Variants in MYO3B observed in about 807,000 individuals in gnomAD.
The protein encoded by MYO3B is myosin IIIB, also known as myosin-IIIb.
In MYO3B, 156 loss-of-function variants were observed where a neutral mutation model predicts 174.6. The observed-to-expected ratio is 0.89, with a 90% CI of 0.78 to 1.02. The LOEUF is 1.02. Ranked by LOEUF, MYO3B falls within the 50% of genes least tolerant of loss-of-function variation. The pLI is 0.00. For missense variants in MYO3B, 1,632 were observed against 1,639.4 expected, an observed-to-expected ratio of 1.00 and a Z score of 0.08; for synonymous variants, 563 against 569.1, an observed-to-expected ratio of 0.99 and a Z score of 0.15.
At chr2:170,297,430 G>A (rs2093636103) in intron 7 of MYO3B, among the ~76,000 whole-genome samples, 1 of 152,142 alleles carries the variant, frequency 6.6e-6, no homozygotes, top group Non-Finnish European at 1.5e-5. Flanking sequence ...TAAAGCTGCA[G>A]AGTGCAAAAT....
At chr2:170,462,531 A>T (rs1684355994) in intron 23 of MYO3B, among the ~76,000 whole-genome samples, 1 of 152,256 alleles carries the variant, frequency 6.6e-6, no homozygotes, top group African/African-American at 2.4e-5. Context: ...CCCCATGGGA[A>T]GGTGGCTGCC....
Position 170,404,268 on chromosome 2 carries a change from A to G in MYO3B, c.2299A>G (p.Ile767Val). The change falls in exon 20 of 35, where the codon ATT (isoleucine) becomes GTT (valine). Residue 767 changes from isoleucine (I) to valine (V), a missense_variant. Coordinates refer to ENST00000408978, the MANE Select transcript of MYO3B (RefSeq NM_138995.5). ...CCAGATGGAATATCAGAATGAAGGC[A>G]TTGATGCTGTACCCGTGGAATATGA... ...LEQMEYQNEGIDAVPVEYEDN... is the reference protein window; with the variant it reads ...LEQMEYQNEGVDAVPVEYEDN... 1.2e-6 allele frequency: 2 copies of G among 1,609,126 alleles called. No individual in the cohort carries two copies. The highest frequency in any genetic ancestry group is 1.7e-6 in the Non-Finnish European group (2 of 1,178,218).
At chr2:170,228,562 A>G (rs1429977137) in intron 6 of MYO3B, among the ~76,000 whole-genome samples, 1 of 152,168 alleles carries the variant, frequency 6.6e-6, no homozygotes, top group East Asian at 1.9e-4. Flanking sequence ...GTAAGAATAA[A>G]TGATCTGTTC....
intron 22 of MYO3B, among the ~76,000 whole-genome samples, chr2:170,416,381 A>T (rs1470849727): frequency 6.6e-6 from 1 of 152,008 alleles, no homozygotes; most frequent in African/African-American, 2.4e-5. Flanking sequence ...AAAATTAGCC[A>T]GGCGTGGTGG....
At position 170,407,805 on chromosome 2, in the gene MYO3B, C is replaced by G; in HGVS notation, c.2611C>G (p.Leu871Val). The G allele has an allele frequency of 6.2e-7, 1 of 1,614,064 alleles. No homozygotes were observed. The highest frequency in any genetic ancestry group is 1.3e-5 in the African/African-American group (1 of 75,040). The change falls in exon 22 of 35, where the codon CTT (leucine) becomes GTT (valine). Residue 871 changes from leucine (L) to valine (V), a missense_variant. Transcript: ENST00000408978. Reference protein sequence around the residue: ...VVVLRTSENKLLQQLFSIPLT... With the variant: ...VVVLRTSENKVLQQLFSIPLT... ...GGTCCTGAGAACGTCAGAAAACAAG[C>G]TTCTTCAGCAGCTCTTCTCAATCCC...
Position 170,483,541 on chromosome 2 carries a change from C to T in MYO3B, c.3015-15051C>T, listed in dbSNP as rs1050742046. Among the ~76,000 whole-genome samples, 21 of 130,478 alleles carry T rather than the reference C, an allele frequency of 1.6e-4. 2 individuals carry two copies. Among genetic ancestry groups the T allele is most frequent in the Non-Finnish European group, 3.2e-4 (21 of 66,214 alleles). The allele number at this position is 130,478 out of a possible 152,430, so 85.6% of individuals were successfully genotyped here. A position where few individuals can be genotyped will look rare whatever the true frequency, so the allele number is the denominator to read the frequency against. ...AGCTGGGACTACAGGCGCCCGCTACCACGCCCGGCTAATTTTTTGTATTTT... is the reference window on the plus strand; with the variant it reads ...AGCTGGGACTACAGGCGCCCGCTACTACGCCCGGCTAATTTTTTGTATTTT... On this transcript the variant is annotated intron_variant, in intron 25 of 34. Transcript: ENST00000408978.
intron 32 of MYO3B, among the ~76,000 whole-genome samples, chr2:170,568,718 T>C (rs1664800312): frequency 6.6e-6 from 1 of 152,170 alleles, no homozygotes; most frequent in South Asian, 2.1e-4. Context: ...GCTCTTGAAA[T>C]ATAAGGATTA....
intron 32 of MYO3B, among the ~76,000 whole-genome samples, chr2:170,651,074 C>T (rs1184492235): frequency 6.6e-6 from 1 of 152,156 alleles, no homozygotes; most frequent in African/African-American, 2.4e-5. Context: ...ATCATCCTTT[C>T]TCCTTCTCTT....
intron 15 of MYO3B, among the ~76,000 whole-genome samples, chr2:170,391,841 T>G (rs1388480006): frequency 6.6e-6 from 1 of 152,104 alleles, no homozygotes; most frequent in Non-Finnish European, 1.5e-5. Flanking sequence ...TGCATCATTA[T>G]TCTACCACAG....
chr2:170,456,082 T>A (rs1173150430), intron 23 of MYO3B, among the ~76,000 whole-genome samples: 4 of 152,074 alleles, frequency 2.6e-5, no homozygotes, highest in Non-Finnish European at 5.9e-5. Context: ...CACAGAGTGA[T>A]TACCCACCAG....
intron 8 of MYO3B, among the ~76,000 whole-genome samples, chr2:170,338,536 C>G (rs115652710): frequency 0.034 from 5,120 of 152,172 alleles, 107 homozygotes; most frequent in Middle Eastern, 0.068. Context: ...AAATTGGGAA[C>G]TGATTATTAT....
At chr2:170,275,724 T>C (rs1258141700) in intron 7 of MYO3B, among the ~76,000 whole-genome samples, 2 of 152,076 alleles carry the variant, frequency 1.3e-5, no homozygotes, top group Admixed American at 6.6e-5. Context: ...CATTGTACCA[T>C]AAAAACCAGT....
chr2:170,582,480 G>T lies in MYO3B; in HGVS notation c.3733+38492G>T, dbSNP rs58915183. On this transcript the variant is annotated intron_variant, in intron 32 of 34. Coordinates refer to ENST00000408978, the MANE Select transcript of MYO3B (RefSeq NM_138995.5). ...TCCAACCATACATCCCTGGTGAGGG[G>T]TGCTCTAAATGGCTGCCAAGATGGC... Among the ~76,000 whole-genome samples, 168 of 152,242 alleles carry T rather than the reference G, an allele frequency of 1.1e-3. 5 individuals are homozygous for T. The East Asian group carries it at 0.029, about 26-fold the overall frequency.
intron 32 of MYO3B, among the ~76,000 whole-genome samples, chr2:170,636,199 C>T (rs1697456710): frequency 6.6e-6 from 1 of 152,156 alleles, no homozygotes; most frequent in Non-Finnish European, 1.5e-5. Context: ...TGGCCATACA[C>T]TTGGTCTTGG....
chr2:170,304,225 A>G (rs74790937), intron 7 of MYO3B, among the ~76,000 whole-genome samples: 1 of 152,144 alleles, frequency 6.6e-6, no homozygotes, highest in African/African-American at 2.4e-5. Flanking sequence ...CAAAATGGCC[A>G]TAGTGATTTA....
In MYO3B at chr2:170,392,450, C is replaced by T. The variant is rs369862213; in HGVS notation, c.1746C>T (p.Phe582=). ...ITSKESYRRQ[F]EAIQHCFRII... is the part of the protein sequence containing the mutation. The stretch of plus-strand genomic sequence containing the variant: ...CCAAGGAGTCTTACAGAAGACAATT[C>T]GAAGCAATTCAGCATTGCTTCAGGA... Residue 582 remains phenylalanine (F), a synonymous_variant, in exon 16 of 35, where the codon TTC becomes TTT. Coordinates refer to ENST00000408978, the MANE Select transcript of MYO3B (RefSeq NM_138995.5). The T allele has an allele frequency of 1.0e-4, 162 of 1,596,382 alleles. 2 individuals carry two copies. The South Asian group carries it at 1.2e-3, about 11-fold the overall frequency.
intron 32 of MYO3B, among the ~76,000 whole-genome samples, chr2:170,575,920 A>G (rs1303228048): frequency 1.3e-5 from 2 of 152,218 alleles, no homozygotes; most frequent in Non-Finnish European, 2.9e-5. Context: ...CGTAGCTGAA[A>G]GGATTCTTTA....
At chr2:170,482,344 G>A (rs1404870460) in intron 25 of MYO3B, among the ~76,000 whole-genome samples, 8 of 152,106 alleles carry the variant, frequency 5.3e-5, no homozygotes, top group Non-Finnish European at 5.9e-5. Context: ...TAGTAGAGAC[G>A]GGGTTTCACC....
chr2:170,562,057 A>G (rs147874492), intron 32 of MYO3B, among the ~76,000 whole-genome samples: 2 of 152,278 alleles, frequency 1.3e-5, no homozygotes, highest in African/African-American at 4.8e-5. Flanking sequence ...TTACTTGGCC[A>G]TTGCTCAATT....
Sources: allele counts gnomAD v4.1 joint callset (sites outside exome capture counted in the v4.1 genomes callset), GRCh38; gene constraint gnomAD v4.1.1; transcripts MANE v1.5; gene names NCBI Gene and HGNC (gene_info 2026-07-23, HGNC 2026-07-21).